The following KIAA0586 variants were observed in gnomAD, a reference collection of about 807,000 sequenced individuals.
KIAA0586 encodes the protein KIAA0586.
A neutral mutation model predicts 169.8 loss-of-function variants in KIAA0586; 144 were observed. The observed-to-expected ratio is 0.85, with a 90% CI of 0.74 to 0.97. The LOEUF (loss-of-function observed/expected upper bound fraction) is 0.97. Ranked by LOEUF, KIAA0586 falls within the 50% of genes least tolerant of loss-of-function variation. The pLI is 0.00. For missense variants in KIAA0586, 1,854 were observed against 1,823.0 expected (o/e 1.02, Z -0.31); for synonymous variants, 625 against 612.4 (o/e 1.02, Z -0.30).
intron 18 of KIAA0586, among the ~76,000 whole-genome samples, chr14:58,473,428 C>T (rs1743712): frequency 0.99 from 150,093 of 152,288 alleles, 73,999 homozygotes; most frequent in Non-Finnish European, 1. Flanking sequence ...GTAATAAAAA[C>T]TTTAACAATT....
At chr14:58,521,543 C>T in intron 29 of KIAA0586, 1 of 822,936 alleles carries the variant, frequency 1.2e-6, no homozygotes, top group Non-Finnish European at 2.1e-6. Flanking sequence ...GCTGTAGTGC[C>T]CTCGAAATGT....
At chr14:58,484,890 T>TTATATATATATAATATA (rs2042276312) in intron 21 of KIAA0586, among the ~76,000 whole-genome samples, 3 of 32,288 alleles carry the variant, frequency 9.3e-5, no homozygotes, top group African/African-American at 4.0e-4. Context: ...ATATATATAT[T>TTATATATATATAATATA]TATATATATA....
chr14:58,501,433 T>C (rs1037385206), intron 27 of KIAA0586, among the ~76,000 whole-genome samples: 1 of 152,208 alleles, frequency 6.6e-6, no homozygotes, highest in African/African-American at 2.4e-5. Context: ...CGCAGATCAC[T>C]TGAACTGCTA....
chr14:58,428,612 C>T (rs2037065991), intron 1 of KIAA0586, 149 bp downstream of exon 1: 1 of 591,306 alleles, frequency 1.7e-6, no homozygotes, highest in Non-Finnish European at 2.9e-6. Flanking sequence ...GCCAGGAAGC[C>T]TATAAAATGT....
At chr14:58,472,860 A>C (rs573244551) in intron 18 of KIAA0586, among the ~76,000 whole-genome samples, 1 of 148,486 alleles carries the variant, frequency 6.7e-6, no homozygotes, top group African/African-American at 2.5e-5. Flanking sequence ...TTTAGAGCTA[A>C]GATCAGTTTT....
chr14:58,521,994 A>G, intron 29 of KIAA0586: 1 of 1,307,342 alleles, frequency 7.6e-7, no homozygotes, highest in East Asian at 2.3e-5. Context: ...ACTCTTAAGC[A>G]CATAGTGGGG....
At chr14:58,506,439 G>T (rs1302026229) in intron 27 of KIAA0586, among the ~76,000 whole-genome samples, 1 of 152,114 alleles carries the variant, frequency 6.6e-6, no homozygotes, top group Non-Finnish European at 1.5e-5. Flanking sequence ...AGCACTTTGG[G>T]AGAACGAGGT....
intron 2 of KIAA0586, 125 bp from the exon 3 acceptor site, chr14:58,430,523 G>T: frequency 3.6e-6 from 2 of 557,914 alleles, no homozygotes; most frequent in Non-Finnish European, 6.4e-6. Flanking sequence ...TGATGGAAAT[G>T]AAGAATATGA....
At chr14:58,561,838 A>C in the KIAA0586 span, among the ~76,000 whole-genome samples, 1 of 152,148 alleles carries the variant, frequency 6.6e-6, no homozygotes, top group East Asian at 1.9e-4. Flanking sequence ...AGAATGCTAA[A>C]TAGCCTCCTC....
chr14:58,477,071 T>C, intron 19 of KIAA0586, 52 bp from the exon 20 acceptor site: 1 of 999,544 alleles, frequency 1.0e-6, no homozygotes, highest in Non-Finnish European at 1.5e-6. Context: ...ATTTTTTACA[T>C]TTCAATCAAA....
chr14:58,441,364 C>A (rs772790369), intron 4 of KIAA0586: 1 of 408,336 alleles, frequency 2.4e-6, no homozygotes, highest in Non-Finnish European at 5.0e-6. Context: ...CCACACCTGG[C>A]TAATTTTTGT....
Position 58,534,858 on chromosome 14 carries a change from C to T in KIAA0586, c.4430-5213C>T, listed in dbSNP as rs141450074. 4.6e-4 allele frequency among the ~76,000 whole-genome samples: 70 copies of T among 152,212 alleles called. 1 individual carries two copies. In the East Asian group the frequency reaches 0.013, roughly 29 times the overall value. ...GCCCTATTGGTTTCTTCCATTTTAACTTTTTTATGGAAGAATAATATACAT... is the reference window on the plus strand; with the variant it reads ...GCCCTATTGGTTTCTTCCATTTTAATTTTTTTATGGAAGAATAATATACAT... On this transcript the variant is annotated intron_variant, in intron 29 of 30. Coordinates refer to ENST00000652326, the MANE Select transcript of KIAA0586 (RefSeq NM_001329943.3).
intron 27 of KIAA0586, among the ~76,000 whole-genome samples, chr14:58,500,950 G>C (rs924758888): frequency 6.6e-6 from 1 of 152,168 alleles, no homozygotes; most frequent in African/African-American, 2.4e-5. Flanking sequence ...TCACCACTCT[G>C]TACATGTCCA....
chr14:58,518,818 T>C (rs948926454), intron 29 of KIAA0586, among the ~76,000 whole-genome samples: 7 of 152,214 alleles, frequency 4.6e-5, no homozygotes, highest in African/African-American at 1.7e-4. Context: ...TTTTCTGCCT[T>C]GAACATAATC....
intron 22 of KIAA0586, among the ~76,000 whole-genome samples, 167 bp downstream of exon 22, chr14:58,487,333 G>T (rs1015716756): frequency 6.6e-6 from 1 of 152,212 alleles, no homozygotes; most frequent in African/African-American, 2.4e-5. Context: ...GGCCAGGCAG[G>T]CATGGTGGCT....
chr14:58,434,974 A>C (rs79383193), intron 4 of KIAA0586, among the ~76,000 whole-genome samples: 5,797 of 151,750 alleles, frequency 0.038, 152 homozygotes, highest in Non-Finnish European at 0.057. Flanking sequence ...CTTTTTGTAG[A>C]TATAGGGTCT....
At chr14:58,500,398 C>G (rs531808631) in intron 27 of KIAA0586, among the ~76,000 whole-genome samples, 29 of 152,202 alleles carry the variant, frequency 1.9e-4, no homozygotes, top group African/African-American at 6.0e-4. Context: ...CACAGCGGAG[C>G]CTTTTTGTGC....
chr14:58,463,389 T>C (rs556640888), intron 14 of KIAA0586, among the ~76,000 whole-genome samples: 4 of 152,342 alleles, frequency 2.6e-5, no homozygotes, highest in African/African-American at 9.6e-5. Context: ...AAACAATGTT[T>C]AACACATATT....
intron 4 of KIAA0586, among the ~76,000 whole-genome samples, chr14:58,442,254 C>T (rs974566062): frequency 2.6e-5 from 4 of 152,192 alleles, no homozygotes; most frequent in Admixed American, 6.5e-5. Context: ...GGACTACAGG[C>T]GCATGCCACC....
Sources: gnomAD v4.1 joint callset for allele counts (sites outside exome capture counted in the v4.1 genomes callset) on GRCh38, gnomAD v4.1.1 for gene constraint, MANE v1.5 for transcripts, NCBI Gene and HGNC (gene_info 2026-07-23, HGNC 2026-07-21) for gene names.